Variants in FSTL5 observed in about 807,000 individuals in gnomAD.
The protein encoded by FSTL5 is follistatin-related protein 5.
In FSTL5, 62 loss-of-function variants were observed where a neutral mutation model predicts 89.1. The observed-to-expected ratio is 0.70, with a 90% CI of 0.57 to 0.86. The LOEUF (loss-of-function observed/expected upper bound fraction) is 0.86, where lower values mean the gene tolerates loss of function less well. Ranked by LOEUF, FSTL5 falls within the 40% of genes least tolerant of loss-of-function variation. The probability of loss-of-function intolerance (pLI) is 0.00; values close to 1 mark genes in which losing one functional copy is unlikely to be tolerated. For missense variants in FSTL5, 1,057 were observed against 1,001.6 expected (o/e 1.06, Z -0.75); for synonymous variants, 383 against 346.2 (o/e 1.11, Z -1.18).
At chr4:161,526,054 G>A (rs13104132) in intron 10 of FSTL5, among the ~76,000 whole-genome samples, 35,478 of 151,886 alleles carry the variant, frequency 0.23, 5,492 homozygotes, top group Non-Finnish European at 0.35. Context: ...AATTATTTGC[G>A]CTGACAATAA....
chr4:161,704,519 A>C (rs192482133), intron 6 of FSTL5, among the ~76,000 whole-genome samples: 67 of 152,268 alleles, frequency 4.4e-4, no homozygotes, highest in African/African-American at 1.6e-3. Context: ...TAGAGGAATT[A>C]ATTACCAGTT....
At chr4:161,622,172 T>A (rs1735155653) in intron 7 of FSTL5, among the ~76,000 whole-genome samples, 1 of 152,102 alleles carries the variant, frequency 6.6e-6, no homozygotes, top group Non-Finnish European at 1.5e-5. Flanking sequence ...AAAGTTCAAG[T>A]TAAACCAATA....
chr4:162,139,854 G>A (rs1732658024), intron 1 of FSTL5, among the ~76,000 whole-genome samples: 1 of 152,070 alleles, frequency 6.6e-6, no homozygotes, highest in East Asian at 1.9e-4. Flanking sequence ...AGGATGCCAT[G>A]AAGAGAGTAA....
rs1294374789 is a variant in FSTL5, at chr4:161,830,532, G to C, written c.410-54458C>G. On this transcript the variant is annotated intron_variant, in intron 4 of 15. Coordinates refer to ENST00000306100, the MANE Select transcript of FSTL5 (RefSeq NM_020116.5). ...GAGTAAGAAAAATCCTAGTTTCTCT[G>C]TTCATTTATGTTGTGGCCTAGGAAA... Among the ~76,000 whole-genome samples the C allele has an allele frequency of 2.6e-5, 4 of 151,964 alleles. No homozygotes were observed. The East Asian group carries it at 7.7e-4, about 29-fold the overall frequency.
intron 7 of FSTL5, among the ~76,000 whole-genome samples, chr4:161,590,241 C>T (rs2126610218): frequency 6.6e-6 from 1 of 152,082 alleles, no homozygotes; most frequent in Admixed American, 6.5e-5. Context: ...TACAATTCAA[C>T]AATCAAAAAG....
chr4:161,961,099 A>C (rs1290910421), intron 3 of FSTL5, among the ~76,000 whole-genome samples: 8 of 152,054 alleles, frequency 5.3e-5, no homozygotes. Context: ...GAGAATAGAT[A>C]ACTTCGATTA....
chr4:162,050,102 T>C (rs1354984449), intron 2 of FSTL5, among the ~76,000 whole-genome samples: 2 of 151,670 alleles, frequency 1.3e-5, no homozygotes, highest in African/African-American at 2.4e-5. Context: ...AATAGAAACA[T>C]AAAAACAGAA....
chr4:161,989,793 T>C (rs937524594), intron 3 of FSTL5, among the ~76,000 whole-genome samples: 13 of 152,100 alleles, frequency 8.5e-5, no homozygotes, highest in Admixed American at 7.2e-4. Flanking sequence ...TTAGTAACCT[T>C]ATTGTAGTGG....
chr4:162,048,475 AC>A (rs1738273262), intron 2 of FSTL5, among the ~76,000 whole-genome samples: 1 of 152,168 alleles, frequency 6.6e-6, no homozygotes, highest in African/African-American at 2.4e-5. Flanking sequence ...CATGTTATAA[AC>A]AAAGATATAA....
At chr4:161,928,406 T>A (rs1401713998) in intron 3 of FSTL5, among the ~76,000 whole-genome samples, 1 of 151,836 alleles carries the variant, frequency 6.6e-6, no homozygotes, top group East Asian at 1.9e-4. Flanking sequence ...ACACAGAGTT[T>A]CTGTTCATTT....
At chr4:161,871,050 TC>T (rs2126899732) in intron 4 of FSTL5, among the ~76,000 whole-genome samples, 1 of 152,218 alleles carries the variant, frequency 6.6e-6, no homozygotes, top group Admixed American at 6.5e-5. Context: ...AATATTTTTT[TC>T]CAGGTCAAGA....
At chr4:161,985,862 T>C (rs1209979818) in intron 3 of FSTL5, among the ~76,000 whole-genome samples, 2 of 152,190 alleles carry the variant, frequency 1.3e-5, no homozygotes, top group Non-Finnish European at 2.9e-5. Context: ...TGTGTATTTA[T>C]TCATATGAAA....
chr4:161,602,559 T>C (rs906627153), intron 7 of FSTL5, among the ~76,000 whole-genome samples: 1 of 152,088 alleles, frequency 6.6e-6, no homozygotes, highest in Non-Finnish European at 1.5e-5. Flanking sequence ...TCTTAAAGAA[T>C]AATTAATATT....
rs1733024360 is a variant in FSTL5 at position 161,892,619 on chromosome 4, CA to C, written c.409+27784del. 2.6e-5 allele frequency among the ~76,000 whole-genome samples: 4 copies of C among 152,108 alleles called. No individual in the cohort carries two copies. The South Asian group carries it at 8.3e-4, about 32-fold the overall frequency. ...TTTTCAAACTTGAAGAATCAACTCC[CA>C]AACTAACTCAAAGTATTCCATAAAA... On this transcript the variant is annotated intron_variant, in intron 4 of 15. Transcript: ENST00000306100.
At chr4:161,638,692 C>T (rs1277628105) in intron 7 of FSTL5, among the ~76,000 whole-genome samples, 10 of 133,326 alleles carry the variant, frequency 7.5e-5, no homozygotes, top group Admixed American at 1.6e-4. Flanking sequence ...AGAGACACAA[C>T]CAAAAAAGAG....
intron 7 of FSTL5, among the ~76,000 whole-genome samples, chr4:161,631,495 T>C (rs1368445814): frequency 6.6e-6 from 1 of 152,166 alleles, no homozygotes; most frequent in African/African-American, 2.4e-5. Flanking sequence ...CAGGTGCCTG[T>C]AATTCCAGCT....
intron 3 of FSTL5, among the ~76,000 whole-genome samples, chr4:162,020,833 T>C (rs922831114): frequency 6.6e-6 from 1 of 152,174 alleles, no homozygotes; most frequent in Non-Finnish European, 1.5e-5. Flanking sequence ...CAAATATTTA[T>C]GATTTTTCAG....
intron 10 of FSTL5, among the ~76,000 whole-genome samples, chr4:161,519,212 C>T (rs10031060): frequency 0.021 from 3,191 of 152,174 alleles, 98 homozygotes; most frequent in African/African-American, 0.072. Flanking sequence ...CAAGAGATGA[C>T]GGTAACTAGT....
chr4:161,566,157 G>A (rs1393205224), intron 8 of FSTL5, among the ~76,000 whole-genome samples: 11 of 112,832 alleles, frequency 9.7e-5, no homozygotes, highest in African/African-American at 2.8e-4. Context: ...CACACACACC[G>A]TGGAATGCTC....
Sources: gnomAD v4.1 joint callset for allele counts (sites outside exome capture counted in the v4.1 genomes callset) on GRCh38, gnomAD v4.1.1 for gene constraint, MANE v1.5 for transcripts, NCBI Gene and HGNC (gene_info 2026-07-23, HGNC 2026-07-21) for gene names.